UTRN: variants seen among roughly 807,000 people sequenced by gnomAD.
UTRN encodes the protein dystrophin-related protein 1.
A neutral mutation model predicts 463.9 loss-of-function variants in UTRN; 283 were observed. That is an observed-to-expected ratio of 0.61 (90% CI 0.55 to 0.67). The LOEUF (loss-of-function observed/expected upper bound fraction) is 0.67. Ranked by LOEUF, UTRN falls within the 30% of genes least tolerant of loss-of-function variation. The probability of loss-of-function intolerance (pLI) is 0.00; values close to 1 mark genes in which losing one functional copy is unlikely to be tolerated. For synonymous variants in UTRN, 1,442 were observed against 1,431.5 expected (o/e 1.01, Z -0.17); for missense variants, 3,922 against 4,084.3 (o/e 0.96, Z 1.08).
At chr6:144,335,447 C>T (rs1427491905) in intron 2 of UTRN, among the ~76,000 whole-genome samples, 2 of 152,258 alleles carry the variant, frequency 1.3e-5, no homozygotes, top group East Asian at 1.9e-4. Context: ...TCACTCCCAC[C>T]TGTTTCCTCA....
intron 2 of UTRN, among the ~76,000 whole-genome samples, chr6:144,357,706 T>C (rs1420949647): frequency 6.6e-6 from 1 of 152,204 alleles, no homozygotes; most frequent in South Asian, 2.1e-4. Context: ...GACAGCCTTA[T>C]TTTTTTTCCT....
At chr6:144,772,207 G>A (rs765705982) in intron 59 of UTRN, among the ~76,000 whole-genome samples, 6 of 150,884 alleles carry the variant, frequency 4.0e-5, no homozygotes, top group Admixed American at 6.6e-5. Context: ...CTAATTTTTC[G>A]TATTTTAATA....
chr6:144,768,470 T>C (rs774947659), intron 58 of UTRN, among the ~76,000 whole-genome samples: 3 of 152,104 alleles, frequency 2.0e-5, no homozygotes, highest in Non-Finnish European at 4.4e-5. Context: ...GTTTTCAAAA[T>C]AGGCAAAAAT....
intron 53 of UTRN, among the ~76,000 whole-genome samples, chr6:144,722,955 T>C (rs1171597732): frequency 6.6e-6 from 1 of 152,160 alleles, no homozygotes; most frequent in Non-Finnish European, 1.5e-5. Flanking sequence ...TGAAAAATAA[T>C]TGTCATTGTT....
chr6:144,577,044 G>A, intron 50 of UTRN, 55 bp from the exon 51 acceptor site: 2 of 1,550,766 alleles, frequency 1.3e-6, no homozygotes, highest in African/African-American at 1.4e-5. Context: ...TGCGTGATGT[G>A]GAATGTCACA....
At chr6:144,842,975 A>T (rs1251549153) in intron 73 of UTRN, among the ~76,000 whole-genome samples, 4 of 152,222 alleles carry the variant, frequency 2.6e-5, no homozygotes, top group Non-Finnish European at 4.4e-5. Context: ...AGATAAACTG[A>T]TTAAAACTAG....
intron 35 of UTRN, among the ~76,000 whole-genome samples, chr6:144,511,551 GTTAC>G (rs1795171508): frequency 6.6e-6 from 1 of 152,174 alleles, no homozygotes; most frequent in Non-Finnish European, 1.5e-5. Context: ...CACTGGTAAA[GTTAC>G]TTAAACATTC....
intron 23 of UTRN, among the ~76,000 whole-genome samples, chr6:144,470,307 G>C (rs1280630426): frequency 6.6e-6 from 1 of 151,626 alleles, no homozygotes; most frequent in Non-Finnish European, 1.5e-5. Flanking sequence ...CCTCCCAGAC[G>C]GGGCGGCTGC....
chr6:144,605,912 G>A (rs1804796738), intron 51 of UTRN, among the ~76,000 whole-genome samples: 1 of 151,816 alleles, frequency 6.6e-6, no homozygotes, highest in Non-Finnish European at 1.5e-5. Flanking sequence ...GCATTTTTGA[G>A]TTACTAAAAA....
At chr6:144,300,616 T>C (rs1403171747) in intron 2 of UTRN, among the ~76,000 whole-genome samples, 1 of 152,182 alleles carries the variant, frequency 6.6e-6, no homozygotes, top group Non-Finnish European at 1.5e-5. Flanking sequence ...TTGTATATCA[T>C]TGTGTGGTAT....
At chr6:144,374,079 A>C (rs954820299) in intron 2 of UTRN, among the ~76,000 whole-genome samples, 1 of 152,090 alleles carries the variant, frequency 6.6e-6, no homozygotes, top group Admixed American at 6.5e-5. Flanking sequence ...CTTTTATTTG[A>C]TTTATATAAT....
intron 34 of UTRN, among the ~76,000 whole-genome samples, chr6:144,510,368 C>A (rs1279823304): frequency 6.6e-6 from 1 of 152,116 alleles, no homozygotes; most frequent in Admixed American, 6.5e-5. Context: ...GTTGTAAGAC[C>A]AAAGCTTAGA....
At chr6:144,632,702 T>C (rs1776655319) in intron 51 of UTRN, among the ~76,000 whole-genome samples, 1 of 151,948 alleles carries the variant, frequency 6.6e-6, no homozygotes, top group African/African-American at 2.4e-5. Flanking sequence ...AATAGACTTA[T>C]TTTTATATTG....
chr6:144,832,156 T>TATC (rs960081496), intron 69 of UTRN, among the ~76,000 whole-genome samples: 63 of 152,372 alleles, frequency 4.1e-4, no homozygotes, highest in Non-Finnish European at 7.1e-4. Flanking sequence ...CCTCATGTTC[T>TATC]ATCTGCATTT....
intron 41 of UTRN, among the ~76,000 whole-genome samples, chr6:144,525,373 G>A (rs1195662225): frequency 1.3e-5 from 2 of 151,896 alleles, no homozygotes; most frequent in Non-Finnish European, 2.9e-5. Context: ...GCTTGTTATT[G>A]GTCTGTTTAG....
At position 144,749,571 on chromosome 6, in the gene UTRN, CA is replaced by C. The variant is rs563144069; in HGVS notation, c.8208+1058del. 1.4e-4 allele frequency among the ~76,000 whole-genome samples: 22 copies of C among 152,296 alleles called. No individual in the cohort carries two copies. In the South Asian group the frequency reaches 2.1e-3, roughly 14 times the overall value. On this transcript the variant is annotated intron_variant, in intron 55 of 74. Coordinates refer to ENST00000367545, the MANE Select transcript of UTRN (RefSeq NM_007124.3). ...GATAAATAGGTTCTTTATGCTAGAA[CA>C]CACAGCAGTTCTGAAACCATTTTAA...
chr6:144,557,048 T>G, intron 49 of UTRN, 109 bp from the exon 50 acceptor site: 35 of 1,358,864 alleles, frequency 2.6e-5, no homozygotes, highest in South Asian at 3.4e-5. Flanking sequence ...TTTCATCCTG[T>G]GATATCTGTA....
chr6:144,640,712 G>A (rs755926717), intron 51 of UTRN, among the ~76,000 whole-genome samples: 1 of 152,082 alleles, frequency 6.6e-6, no homozygotes, highest in East Asian at 1.9e-4. Context: ...ATGAAAGTCT[G>A]CCAACTTGGT....
chr6:144,674,219 AT>A (rs35619240), intron 51 of UTRN, among the ~76,000 whole-genome samples: 69,204 of 148,010 alleles, frequency 0.47, 17,659 homozygotes, highest in African/African-American at 0.7. Flanking sequence ...GTTTTCATTG[AT>A]TTTTTTTTTT....
Sources: allele counts gnomAD v4.1 joint callset (sites outside exome capture counted in the v4.1 genomes callset), GRCh38; gene constraint gnomAD v4.1.1; transcripts MANE v1.5; gene names NCBI Gene and HGNC (gene_info 2026-07-23, HGNC 2026-07-21).